Variants in TBL1XR1 observed in about 807,000 individuals in gnomAD.
TBL1XR1 encodes the protein F-box-like/WD repeat-containing protein TBL1XR1.
In TBL1XR1, 5 loss-of-function variants were observed where a neutral mutation model predicts 66.9. That is an observed-to-expected ratio of 0.07 (90% confidence interval 0.04 to 0.16). The LOEUF (loss-of-function observed/expected upper bound fraction) is 0.16. Ranked by LOEUF, TBL1XR1 falls within the 10% of genes least tolerant of loss-of-function variation. The pLI is 1.00. For missense variants in TBL1XR1, 238 were observed against 623.2 expected, an observed-to-expected ratio of 0.38 and a Z score of 6.58; for synonymous variants, 210 against 206.0, an observed-to-expected ratio of 1.02 and a Z score of -0.17.
rs1399391041 is a variant in TBL1XR1, at chr3:177,131,598, C to T, written c.-121-33057G>A. On this transcript the variant is annotated intron_variant, in intron 1 of 15. Coordinates refer to ENST00000457928, the MANE Select transcript of TBL1XR1 (RefSeq NM_024665.7). Reference sequence around the variant, plus strand: ...TGATCTCGGCTCACTGCAAGCTCCGCTTCTCAGGTTCAAGTGATTCTCCCG... The same window carrying T: ...TGATCTCGGCTCACTGCAAGCTCCGTTTCTCAGGTTCAAGTGATTCTCCCG... The T allele has an allele frequency of 1.9e-5, 3 of 158,676 alleles. No homozygotes were observed. The Admixed American group carries it at 2.0e-4, about 11-fold the overall frequency. 9.8% of individuals were successfully genotyped at this position (158,676 alleles called of 1,614,324 possible).
intron 15 of TBL1XR1, 113 bp downstream of exon 15, chr3:177,026,260 A>G: frequency 1.2e-6 from 1 of 848,378 alleles, no homozygotes; most frequent in East Asian, 2.8e-5. Context: ...AAAAATCAGT[A>G]TCATACCTTA....
intron 2 of TBL1XR1, among the ~76,000 whole-genome samples, chr3:177,095,344 T>C (rs746117170): frequency 6.6e-6 from 1 of 151,882 alleles, no homozygotes; most frequent in South Asian, 2.1e-4. Flanking sequence ...GTAGATTGTC[T>C]CAAAAAATAA....
intron 1 of TBL1XR1, among the ~76,000 whole-genome samples, chr3:177,112,081 A>G (rs1468293245): frequency 2.7e-5 from 1 of 37,186 alleles, no homozygotes; most frequent in African/African-American, 1.6e-4. Flanking sequence ...TCAAATATAT[A>G]TATATATATA....
chr3:177,049,487 G>A (rs997680080), intron 7 of TBL1XR1, among the ~76,000 whole-genome samples: 1 of 152,170 alleles, frequency 6.6e-6, no homozygotes, highest in African/African-American at 2.4e-5. Context: ...CCTACAGTGG[G>A]AATAAAATTC....
At chr3:177,116,344 T>C (rs1292758057) in intron 1 of TBL1XR1, among the ~76,000 whole-genome samples, 1 of 152,160 alleles carries the variant, frequency 6.6e-6, no homozygotes, top group Non-Finnish European at 1.5e-5. Flanking sequence ...ACTAGAGATA[T>C]GGCTCCTTCT....
Position 177,046,155 on chromosome 3 carries a change from G to T in TBL1XR1, c.899C>A (p.Ala300Asp). 1 of 1,541,392 alleles carries T rather than the reference G, an allele frequency of 6.5e-7. No individual in the cohort carries two copies. The highest frequency in any genetic ancestry group is 8.7e-7 in the Non-Finnish European group (1 of 1,144,414). ...TIIWDAHTGEAKQQFPFHSAP... is the reference protein window; with the variant it reads ...TIIWDAHTGEDKQQFPFHSAP... ...TGAATGAAAAGGAAACTGTTGCTTG[G>T]CTTCACCAGTATGTGCGTCCCAAAT... The change falls in exon 10 of 16, where the codon GCC (alanine) becomes GAC (aspartate). Residue 300 changes from alanine (A) to aspartate (D), a missense_variant. Ala to Asp is a moderately radical substitution (Grantham distance 126). This residue lies in a region of TBL1XR1 where 89 missense variants were observed against 220.2 expected (regional missense o/e 0.40). Coordinates refer to ENST00000457928, the MANE Select transcript of TBL1XR1 (RefSeq NM_024665.7).
At chr3:177,071,132 G>A (rs1205002443) in intron 2 of TBL1XR1, among the ~76,000 whole-genome samples, 1 of 146,046 alleles carries the variant, frequency 6.8e-6, no homozygotes, top group Admixed American at 7.1e-5. Context: ...CCAGGTTCAC[G>A]CCATTCTACT....
At chr3:177,051,419 A>C in intron 5 of TBL1XR1, 85 bp downstream of exon 5, 1 of 1,271,284 alleles carries the variant, frequency 7.9e-7, no homozygotes, top group Non-Finnish European at 1.1e-6. Flanking sequence ...TATATAACAA[A>C]CCTGCACATG....
At chr3:177,135,343 A>G (rs368205229) in intron 1 of TBL1XR1, among the ~76,000 whole-genome samples, 7,155 of 26,652 alleles carry the variant, frequency 0.27, 627 homozygotes, top group Admixed American at 0.42. Flanking sequence ...GTATACATAT[A>G]TATATATATA....
Position 177,055,348 on chromosome 3 carries a change from C to T in TBL1XR1, c.59-1430G>A, listed in dbSNP as rs116315452. ...CCTAAGTTGATTTTCCTTGTAACCCCTTCCTTCTCTCTTTGGAACACCTAA... is the reference window on the plus strand; with the variant it reads ...CCTAAGTTGATTTTCCTTGTAACCCTTTCCTTCTCTCTTTGGAACACCTAA... On this transcript the variant is annotated intron_variant, in intron 3 of 15. Coordinates refer to ENST00000457928, the MANE Select transcript of TBL1XR1 (RefSeq NM_024665.7). Among the ~76,000 whole-genome samples, 394 of 152,160 alleles carry T rather than the reference C, an allele frequency of 2.6e-3. 1 individual carries two copies. Among genetic ancestry groups the T allele is most frequent in the African/African-American group, 9.0e-3 (375 of 41,498 alleles).
intron 1 of TBL1XR1, among the ~76,000 whole-genome samples, chr3:177,188,369 G>A (rs1023149889): frequency 5.9e-5 from 9 of 152,030 alleles, no homozygotes; most frequent in Non-Finnish European, 1.2e-4. Context: ...CCAACATGGC[G>A]AAACTCCATC....
Position 177,022,832 on chromosome 3 carries a change from T to A in TBL1XR1, c.*2666A>T, listed in dbSNP as rs555567373. 6.6e-6 allele frequency: 1 copy of A among 152,456 alleles called. No individual in the cohort carries two copies. Among genetic ancestry groups the A allele is most frequent in the African/African-American group, 2.4e-5 (1 of 41,442 alleles). 9.4% of individuals were successfully genotyped at this position (152,456 alleles called of 1,614,324 possible). A position where few individuals can be genotyped will look rare whatever the true frequency, so the allele number is the denominator to read the frequency against. On this transcript the variant is annotated 3_prime_UTR_variant, in exon 16 of 16. Coordinates refer to ENST00000457928, the MANE Select transcript of TBL1XR1 (RefSeq NM_024665.7). ...ATCGTGGCACATCAGCAGGCAATGA[T>A]GATGTTGAGAACAGCAGCAAAAATA...
chr3:177,201,429 A>C (rs1178401738), upstream of TBL1XR1, among the ~76,000 whole-genome samples: 2 of 151,730 alleles, frequency 1.3e-5, no homozygotes, highest in South Asian at 2.1e-4. Flanking sequence ...AAAAAAAAAA[A>C]AAAAAAACAA....
At chr3:177,125,469 T>C (rs1727498473) in intron 1 of TBL1XR1, among the ~76,000 whole-genome samples, 1 of 152,202 alleles carries the variant, frequency 6.6e-6, no homozygotes, top group Non-Finnish European at 1.5e-5. Context: ...CTGCAGTCCT[T>C]TGGAAAACAG....
At chr3:177,029,376 T>C (rs534193694) in intron 14 of TBL1XR1, among the ~76,000 whole-genome samples, 1 of 152,242 alleles carries the variant, frequency 6.6e-6, no homozygotes, top group Admixed American at 6.5e-5. Context: ...CAGGAATACT[T>C]TGGAAGGCTG....
intron 2 of TBL1XR1, among the ~76,000 whole-genome samples, chr3:177,082,332 T>C (rs762261876): frequency 1.2e-4 from 18 of 152,228 alleles, no homozygotes; most frequent in Middle Eastern, 6.8e-3. Context: ...AATTTCATGT[T>C]ATGTTCTAAA....
chr3:177,057,451 C>T (rs953381107), intron 3 of TBL1XR1, among the ~76,000 whole-genome samples: 5 of 152,150 alleles, frequency 3.3e-5, no homozygotes, highest in Non-Finnish European at 7.3e-5. Context: ...CCTGAGTCAA[C>T]AAGTACTCAA....
chr3:177,085,139 A>G (rs1721965579), intron 2 of TBL1XR1, among the ~76,000 whole-genome samples: 1 of 152,220 alleles, frequency 6.6e-6, no homozygotes. Context: ...AGAGAGCTGA[A>G]GTGGATCCTG....
At chr3:177,083,467 C>A (rs930308668) in intron 2 of TBL1XR1, among the ~76,000 whole-genome samples, 1 of 152,138 alleles carries the variant, frequency 6.6e-6, no homozygotes, top group African/African-American at 2.4e-5. Context: ...AAAATGTTAC[C>A]GATAAGCTCT....
Sources: allele counts gnomAD v4.1 joint callset (sites outside exome capture counted in the v4.1 genomes callset), GRCh38; gene constraint gnomAD v4.1.1; regional missense constraint gnomAD v4.1.1; transcripts MANE v1.5; gene names NCBI Gene and HGNC (gene_info 2026-07-23, HGNC 2026-07-21).